Variants in CSMD1 observed in about 807,000 individuals in gnomAD.
CSMD1 encodes the protein CUB and Sushi multiple domains 1.
CSMD1 carries 213 observed loss-of-function variants against 417.5 expected under a neutral mutation model. The ratio of observed to expected loss-of-function variants is 0.51; its 90% CI spans 0.46 to 0.57. The LOEUF (loss-of-function observed/expected upper bound fraction) is 0.57. CSMD1 is among the 20% of genes least tolerant of loss of function. The pLI is 0.00. For missense variants in CSMD1, 6,923 were observed against 4,529.7 expected (o/e 1.53, Z -15.17); for synonymous variants, 2,862 against 1,736.8 (o/e 1.65, Z -16.11).
intron 3 of CSMD1, among the ~76,000 whole-genome samples, chr8:4,225,520 A>G (rs199555437): frequency 1.0e-5 from 1 of 95,434 alleles, no homozygotes. Flanking sequence ...TTTTTTTTTT[A>G]TTCCTTTTTG....
intron 1 of CSMD1, among the ~76,000 whole-genome samples, chr8:4,807,187 A>T (rs1488307218): frequency 6.6e-6 from 1 of 152,196 alleles, no homozygotes; most frequent in Non-Finnish European, 1.5e-5. Flanking sequence ...TATTGTACCC[A>T]ACTTTTCATT....
Position 4,495,636 on chromosome 8 carries a change from C to A in CSMD1, c.303-75571G>T, listed in dbSNP as rs148227974. Among the ~76,000 whole-genome samples the A allele has an allele frequency of 3.5e-3, 531 of 152,022 alleles. 2 individuals carry two copies. Among genetic ancestry groups the A allele is most frequent in the African/African-American group, 0.011 (443 of 41,472 alleles). ...CAAATATTAAAATGTATGCTGCAGA[C>A]CTTGTGGAAGAATAGATGAGATAAA... On this transcript the variant is annotated intron_variant, in intron 2 of 69. Coordinates refer to ENST00000635120, the MANE Select transcript of CSMD1 (RefSeq NM_033225.6).
At chr8:4,920,192 G>A (rs1806341271) in intron 1 of CSMD1, among the ~76,000 whole-genome samples, 1 of 152,078 alleles carries the variant, frequency 6.6e-6, no homozygotes, top group Non-Finnish European at 1.5e-5. Context: ...AGAGTCTTAT[G>A]CTAATGAACC....
chr8:3,272,328 C>T (rs752165233), intron 26 of CSMD1, among the ~76,000 whole-genome samples: 12 of 146,446 alleles, frequency 8.2e-5, no homozygotes, highest in Non-Finnish European at 1.4e-4. Context: ...GTTTTGGTTA[C>T]GGTAGCCTTG....
At chr8:4,237,592 T>A (rs544207091) in intron 3 of CSMD1, among the ~76,000 whole-genome samples, 3 of 152,016 alleles carry the variant, frequency 2.0e-5, no homozygotes, top group African/African-American at 7.2e-5. Context: ...TGGAGCACAA[T>A]AGTGTCATCA....
chr8:4,172,257 T>C (rs977813404), intron 3 of CSMD1, among the ~76,000 whole-genome samples: 1 of 152,190 alleles, frequency 6.6e-6, no homozygotes, highest in Non-Finnish European at 1.5e-5. Flanking sequence ...AACAAATGAA[T>C]GTCTGGAATC....
intron 50 of CSMD1, among the ~76,000 whole-genome samples, chr8:3,052,184 A>C (rs751230284): frequency 2.6e-5 from 4 of 152,208 alleles, no homozygotes; most frequent in Non-Finnish European, 4.4e-5. Context: ...TCCAGATTGA[A>C]AATGGCAGCA....
intron 27 of CSMD1, among the ~76,000 whole-genome samples, chr8:3,225,899 C>T (rs62502953): frequency 0.24 from 36,441 of 152,034 alleles, 4,685 homozygotes; most frequent in Admixed American, 0.3. Context: ...CTCAGAGATG[C>T]TAGCAAATTC....
At chr8:3,349,823 A>T (rs947091574) in intron 21 of CSMD1, among the ~76,000 whole-genome samples, 6 of 143,256 alleles carry the variant, frequency 4.2e-5, no homozygotes, top group Admixed American at 1.4e-4. Flanking sequence ...ATACATATAA[A>T]ATATATATAA....
At chr8:3,020,144 C>G (rs1356697053) in intron 51 of CSMD1, among the ~76,000 whole-genome samples, 3 of 152,212 alleles carry the variant, frequency 2.0e-5, no homozygotes, top group African/African-American at 7.2e-5. Flanking sequence ...TTTTCTAAGT[C>G]TCTGGGCCCT....
chr8:3,502,512 T>C (rs763230474), intron 10 of CSMD1, among the ~76,000 whole-genome samples: 1 of 152,118 alleles, frequency 6.6e-6, no homozygotes, highest in Non-Finnish European at 1.5e-5. Context: ...ATCCAGACAG[T>C]GGAATATTAT....
intron 1 of CSMD1, among the ~76,000 whole-genome samples, chr8:4,961,400 T>G (rs4636228): frequency 2.0e-5 from 3 of 151,934 alleles, no homozygotes; most frequent in African/African-American, 7.3e-5. Flanking sequence ...TTGTCTCAAC[T>G]TCACTTTTCT....
chr8:4,255,356 C>CAG (rs1336371938), intron 3 of CSMD1, among the ~76,000 whole-genome samples: 4 of 152,278 alleles, frequency 2.6e-5, no homozygotes, highest in African/African-American at 9.6e-5. Flanking sequence ...TTCTTGAGCC[C>CAG]AGAGCCCAGA....
At chr8:3,994,788 G>C in intron 5 of CSMD1, among the ~76,000 whole-genome samples, 1 of 152,204 alleles carries the variant, frequency 6.6e-6, no homozygotes, top group South Asian at 2.1e-4. Flanking sequence ...ACATAGCTCA[G>C]TGGGTAATTT....
intron 23 of CSMD1, among the ~76,000 whole-genome samples, 158 bp from the exon 24 acceptor site, chr8:3,308,661 C>A (rs1400302294): frequency 2.0e-5 from 3 of 150,442 alleles, no homozygotes; most frequent in African/African-American, 7.3e-5. Flanking sequence ...TGGGTCTGTA[C>A]TGGGGCTATT....
At position 3,616,720 on chromosome 8, in the gene CSMD1, A is replaced by G. The variant is rs1050085595; in HGVS notation, c.1087T>C (p.Ser363Pro). 6.2e-7 allele frequency: 1 copy of G among 1,609,552 alleles called. No individual in the cohort carries two copies. The highest frequency in any genetic ancestry group is 1.3e-5 in the African/African-American group (1 of 74,950). ...GIPENGRRAG[S>P]DFRVGANVQF... ...TATTGTATCTCTTACCTGAAGTCGG[A>G]ACCTGCTCTTCTACCATTTTCTGGA... is the stretch of plus-strand genomic sequence containing the variant. Residue 363 changes from serine to proline, a missense_variant, in exon 8 of 70, where the codon TCC becomes CCC. By Grantham distance (74) the Ser-to-Pro change is moderately conservative. Coordinates refer to ENST00000635120, the MANE Select transcript of CSMD1 (RefSeq NM_033225.6).
intron 3 of CSMD1, among the ~76,000 whole-genome samples, chr8:4,037,585 G>T (rs374476351): frequency 6.9e-6 from 1 of 144,640 alleles, no homozygotes; most frequent in Non-Finnish European, 1.5e-5. Flanking sequence ...AACTGACAGG[G>T]ATTGCAATGG....
At chr8:3,880,557 A>G (rs538492157) in intron 5 of CSMD1, among the ~76,000 whole-genome samples, 35 of 152,194 alleles carry the variant, frequency 2.3e-4, no homozygotes, top group Non-Finnish European at 1.3e-4. Context: ...TCTCAGTAGC[A>G]TTGTGAATAG....
chr8:4,891,873 T>C (rs547335061), intron 1 of CSMD1, among the ~76,000 whole-genome samples: 4 of 152,234 alleles, frequency 2.6e-5, no homozygotes, highest in South Asian at 2.1e-4. Flanking sequence ...TTGTAAAAGT[T>C]GACATTCACT....
Sources: allele counts gnomAD v4.1 joint callset (sites outside exome capture counted in the v4.1 genomes callset), GRCh38; gene constraint gnomAD v4.1.1; transcripts MANE v1.5; gene names NCBI Gene and HGNC (gene_info 2026-07-23, HGNC 2026-07-21).